The following ZDHHC21 variants were observed in gnomAD, a reference collection of about 807,000 sequenced individuals.
ZDHHC21 encodes the protein zDHHC palmitoyltransferase 21, also known as palmitoyltransferase ZDHHC21.
A neutral mutation model predicts 34.6 loss-of-function variants in ZDHHC21; 15 were observed. The ratio of observed to expected loss-of-function variants is 0.43; its 90% CI spans 0.29 to 0.67. The LOEUF (loss-of-function observed/expected upper bound fraction) is 0.67. Among genes scored for constraint, ZDHHC21 ranks in the 30% least tolerant of loss-of-function variants. ZDHHC21 has a pLI of 0.14. For missense variants in ZDHHC21, 344 were observed against 327.7 expected (o/e 1.05, Z -0.38); for synonymous variants, 142 against 101.8 (o/e 1.40, Z -2.38).
intron 8 of ZDHHC21, among the ~76,000 whole-genome samples, chr9:14,634,749 C>A (rs1000992601): frequency 6.6e-6 from 1 of 152,172 alleles, no homozygotes; most frequent in Non-Finnish European, 1.5e-5. Context: ...TCTGTTACAA[C>A]AGACGCATAG....
intron 5 of ZDHHC21, among the ~76,000 whole-genome samples, chr9:14,668,683 T>C (rs1274131711): frequency 1.4e-5 from 2 of 147,052 alleles, no homozygotes; most frequent in Non-Finnish European, 3.0e-5. Flanking sequence ...AACAGAGCCC[T>C]CAGAAATAAT....
chr9:14,640,007 G>C lies in ZDHHC21; in HGVS notation c.510C>G (p.Leu170=). 6.3e-7 allele frequency: 1 copy of C among 1,591,018 alleles called. No individual in the cohort carries two copies. Among genetic ancestry groups the C allele is most frequent in the Non-Finnish European group, 8.6e-7 (1 of 1,166,928 alleles). ...TGGCCAATTCATGTCTAAAAACAAA[G>C]AGGTCCTAAAAAGAAAAAGAAAGTC... ...FLPLKKRNLD[L]FVFRHELAIM... is the part of the protein sequence containing the mutation. Residue 170 remains leucine (L), a synonymous_variant, in exon 8 of 10, where the codon CTC becomes CTG. Coordinates refer to ENST00000380916, the MANE Select transcript of ZDHHC21 (RefSeq NM_178566.6).
At chr9:14,685,834 G>C (rs1374439398) in intron 2 of ZDHHC21, among the ~76,000 whole-genome samples, 1 of 152,166 alleles carries the variant, frequency 6.6e-6, no homozygotes, top group Admixed American at 6.5e-5. Flanking sequence ...ACTGGATTAA[G>C]AAAATGTGGC....
rs16932106 is a variant in ZDHHC21, at chr9:14,643,318, A to G, written c.505-3306T>C. On this transcript the variant is annotated intron_variant, in intron 7 of 9. Transcript: ENST00000380916. The stretch of plus-strand genomic sequence containing the variant: ...CCTCTCAAGAATTAGAACATCTGAA[A>G]CCAAGTAGAGCCTCCTGTGTATTCC... 1.4e-3 allele frequency among the ~76,000 whole-genome samples: 209 copies of G among 152,246 alleles called. 2 individuals are homozygous for G. The East Asian group carries it at 0.032, about 23-fold the overall frequency.
chr9:14,677,856 CAAG>C (rs1400887257), intron 3 of ZDHHC21, among the ~76,000 whole-genome samples: 6 of 152,184 alleles, frequency 3.9e-5, no homozygotes, highest in Non-Finnish European at 7.4e-5. Context: ...ATATTCTCCT[CAAG>C]AAGAATATTC....
intron 8 of ZDHHC21, among the ~76,000 whole-genome samples, chr9:14,621,431 A>T (rs1237368804): frequency 6.6e-6 from 1 of 152,118 alleles, no homozygotes; most frequent in African/African-American, 2.4e-5. Context: ...TTCATACAGA[A>T]AAAGCTTTTA....
the ZDHHC21 span, chr9:14,593,917 G>T: frequency 6.6e-6 from 1 of 152,290 alleles, no homozygotes; most frequent in Non-Finnish European, 1.5e-5. Context: ...GCCACTAACT[G>T]GGAGCAGGAG....
At chr9:14,649,066 C>G (rs1484524826) in intron 7 of ZDHHC21, among the ~76,000 whole-genome samples, 1 of 151,822 alleles carries the variant, frequency 6.6e-6, no homozygotes, top group Non-Finnish European at 1.5e-5. Flanking sequence ...TAGCAGAATC[C>G]CTGGCCTCCA....
intron 7 of ZDHHC21, 136 bp from the exon 8 acceptor site, chr9:14,640,148 T>G: frequency 2.0e-6 from 1 of 493,306 alleles, no homozygotes. Context: ...CTTTTATACT[T>G]CTATTGAAAT....
chr9:14,630,611 T>C (rs547317875), intron 8 of ZDHHC21, among the ~76,000 whole-genome samples: 26 of 152,300 alleles, frequency 1.7e-4, no homozygotes, highest in African/African-American at 6.0e-4. Context: ...TCCAGATCCA[T>C]CAGAGGAATC....
intron 1 of ZDHHC21, among the ~76,000 whole-genome samples, chr9:14,691,224 A>G (rs1355789856): frequency 6.6e-6 from 1 of 152,218 alleles, no homozygotes; most frequent in Non-Finnish European, 1.5e-5. Flanking sequence ...GACTAGCAGG[A>G]GGACAAACAA....
At chr9:14,684,029 T>C (rs1277801536) in intron 2 of ZDHHC21, among the ~76,000 whole-genome samples, 1 of 152,192 alleles carries the variant, frequency 6.6e-6, no homozygotes, top group Non-Finnish European at 1.5e-5. Context: ...TCTTAATAAA[T>C]TAGGTATTGA....
chr9:14,591,219 T>C, the ZDHHC21 span, among the ~76,000 whole-genome samples: 5 of 152,176 alleles, frequency 3.3e-5, no homozygotes, highest in East Asian at 1.9e-4. Context: ...TGAATGTTTC[T>C]GTCCCTTCCA....
chr9:14,692,043 C>T (rs1388763876), intron 1 of ZDHHC21, among the ~76,000 whole-genome samples: 2 of 152,160 alleles, frequency 1.3e-5, no homozygotes, highest in African/African-American at 4.8e-5. Context: ...TTTCTTTCCA[C>T]GACACCAAAT....
At chr9:14,678,798 T>C (rs1403289719) in intron 3 of ZDHHC21, among the ~76,000 whole-genome samples, 1 of 152,074 alleles carries the variant, frequency 6.6e-6, no homozygotes, top group Non-Finnish European at 1.5e-5. Context: ...ATCAAATAAA[T>C]TCTAATACAC....
chr9:14,604,757 G>T, the ZDHHC21 span, among the ~76,000 whole-genome samples: 2 of 151,906 alleles, frequency 1.3e-5, no homozygotes, highest in African/African-American at 2.4e-5. Context: ...TATACAGTAC[G>T]GTACTGTTAA....
downstream of ZDHHC21, among the ~76,000 whole-genome samples, chr9:14,607,632 G>T (rs1036884324): frequency 6.6e-6 from 1 of 151,710 alleles, no homozygotes; most frequent in Admixed American, 6.6e-5. Context: ...GGGGGCGGGG[G>T]GGAAGTAAGG....
chr9:14,593,697 G>A, the ZDHHC21 span: 1 of 152,488 alleles, frequency 6.6e-6, no homozygotes, highest in Non-Finnish European at 1.5e-5. Context: ...TTCTGGACAT[G>A]TCCCTAGTTA....
At chr9:14,591,203 A>G in the ZDHHC21 span, among the ~76,000 whole-genome samples, 4 of 152,170 alleles carry the variant, frequency 2.6e-5, no homozygotes, top group African/African-American at 7.2e-5. Flanking sequence ...ATAGAACACT[A>G]TAATTTGAAT....
Sources: gnomAD v4.1 joint callset for allele counts (sites outside exome capture counted in the v4.1 genomes callset) on GRCh38, gnomAD v4.1.1 for gene constraint, MANE v1.5 for transcripts, NCBI Gene and HGNC (gene_info 2026-07-23, HGNC 2026-07-21) for gene names.